The following KDM2B variants were observed in gnomAD, a reference collection of about 807,000 sequenced individuals.
The protein encoded by KDM2B is lysine-specific demethylase 2B.
A neutral mutation model predicts 150.0 loss-of-function variants in KDM2B; 26 were observed. The ratio of observed to expected loss-of-function variants is 0.17; its 90% CI spans 0.13 to 0.24. The LOEUF (loss-of-function observed/expected upper bound fraction) is 0.24, where lower values mean the gene tolerates loss of function less well. Ranked by LOEUF, KDM2B falls within the 10% of genes least tolerant of loss-of-function variation. The pLI is 1.00. For synonymous variants in KDM2B, 734 were observed against 729.5 expected (o/e 1.01, Z -0.10); for missense variants, 1,265 against 1,816.9 (o/e 0.70, Z 5.52).
At chr12:121,420,530 G>T in the KDM2B span, 4 of 1,597,270 alleles carry the variant, frequency 2.5e-6, no homozygotes, top group Non-Finnish European at 3.4e-6. Flanking sequence ...GAGTGGGGAG[G>T]GTCTGGACTT....
At position 121,518,356 on chromosome 12, in the gene KDM2B, T is replaced by A. The variant is rs1302304254; in HGVS notation, c.1047+2629A>T. Among the ~76,000 whole-genome samples, 1 of 152,144 alleles carries A rather than the reference T, an allele frequency of 6.6e-6. No homozygotes were observed. On this transcript the variant is annotated intron_variant, in intron 9 of 22. Coordinates refer to ENST00000377071, the MANE Select transcript of KDM2B (RefSeq NM_032590.5). This position sits in a 1 kb window ranked among gnomAD's most constrained non-coding sequence, Gnocchi z 4.4. ...GCCTTGGCTCCTAAGGCATAAACAA[T>A]TGGGCCTCGTAGCCAAGTCCCTCTC... is the stretch of plus-strand genomic sequence containing the variant.
intron 6 of KDM2B, among the ~76,000 whole-genome samples, chr12:121,547,331 T>A (rs782782083): frequency 6.6e-6 from 1 of 152,122 alleles, no homozygotes; most frequent in Non-Finnish European, 1.5e-5. Context: ...GAGCTTCAGC[T>A]TGAAGGGGAG....
At position 121,573,126 on chromosome 12, in the gene KDM2B, A is replaced by ATT. The variant is rs561026873; in HGVS notation, c.397+1419_397+1420dup. 3.9e-3 allele frequency among the ~76,000 whole-genome samples: 528 copies of ATT among 134,450 alleles called. 5 individuals are homozygous for ATT. Among genetic ancestry groups the ATT allele is most frequent in the Admixed American group, 0.03 (403 of 13,388 alleles). The allele number at this position is 134,450 out of a possible 152,430, so 88.2% of individuals were successfully genotyped here. A position where few individuals can be genotyped will look rare whatever the true frequency, so the allele number is the denominator to read the frequency against. On this transcript the variant is annotated intron_variant, in intron 4 of 22. Coordinates refer to ENST00000377071, the MANE Select transcript of KDM2B (RefSeq NM_032590.5). ...GGTGTGAGCCACTGTGCCCGGCCTA[A>ATT]TTTTTTTTTTTTTTTAGAGATGGGG...
chr12:121,516,511 A>C, intron 9 of KDM2B: 1 of 1,405,352 alleles, frequency 7.1e-7, no homozygotes, highest in South Asian at 1.3e-5. Context: ...AAAAGGTTTC[A>C]GCCACATGCC....
chr12:121,459,986 A>T (rs563829923), intron 12 of KDM2B, among the ~76,000 whole-genome samples: 41 of 152,362 alleles, frequency 2.7e-4, no homozygotes, highest in African/African-American at 9.9e-4. Context: ...AGAGATGAAT[A>T]GGTAATTTTT....
the KDM2B span, among the ~76,000 whole-genome samples, chr12:121,412,540 G>T: frequency 1.3e-5 from 2 of 151,562 alleles, no homozygotes; most frequent in Non-Finnish European, 2.9e-5. Context: ...ACCACGCCTG[G>T]CCTAATTTTT....
chr12:121,435,987 T>C (rs1362749861), intron 22 of KDM2B, among the ~76,000 whole-genome samples: 3 of 152,128 alleles, frequency 2.0e-5, no homozygotes, highest in Admixed American at 1.3e-4. Flanking sequence ...ACTGACAGCA[T>C]TTGAAGGGAA....
intron 6 of KDM2B, among the ~76,000 whole-genome samples, chr12:121,536,499 G>T (rs1888110692): frequency 6.6e-6 from 1 of 152,188 alleles, no homozygotes; most frequent in African/African-American, 2.4e-5. Context: ...GGCCCAGCGG[G>T]GTCCCCGCCT....
chr12:121,580,252 TGGGG>T, intron 1 of KDM2B: 3 of 838,712 alleles, frequency 3.6e-6, no homozygotes, highest in Non-Finnish European at 4.4e-6. Flanking sequence ...TCAGCAGTTG[TGGGG>T]GGGGGGAGGC....
the KDM2B span, among the ~76,000 whole-genome samples, chr12:121,410,142 G>A: frequency 1.5e-4 from 22 of 148,136 alleles, no homozygotes; most frequent in African/African-American, 5.7e-4. Flanking sequence ...CAACAAGAGC[G>A]AAACTCCGTC....
At chr12:121,444,358 C>A in intron 15 of KDM2B, 86 bp from the exon 16 acceptor site, 1 of 1,606,874 alleles carries the variant, frequency 6.2e-7, no homozygotes, top group Non-Finnish European at 8.5e-7. Flanking sequence ...CGGCAACCCA[C>A]CTGCCTGAAA....
In KDM2B at chr12:121,513,192, G is replaced by A. The variant is rs1449451484; in HGVS notation, c.1174+84C>T. On this transcript the variant is annotated intron_variant, in intron 10 of 22. Coordinates refer to ENST00000377071, the MANE Select transcript of KDM2B (RefSeq NM_032590.5). The surrounding 1 kb of genome is among the most constrained non-coding windows in gnomAD (Gnocchi z 5.0). ...TGATTCAACGAATCCCCAAAACTCAGGGAGTGTCTCCAGGCCCCACTGAGA... is the reference window on the plus strand; with the variant it reads ...TGATTCAACGAATCCCCAAAACTCAAGGAGTGTCTCCAGGCCCCACTGAGA... 3 of 1,504,500 alleles carry A rather than the reference G, an allele frequency of 2.0e-6. No homozygotes were observed. Among genetic ancestry groups the A allele is most frequent in the Non-Finnish European group, 2.7e-6 (3 of 1,093,244 alleles). The allele number at this position is 1,504,500 out of a possible 1,614,324, so 93.2% of individuals were successfully genotyped here.
chr12:121,436,907 T>A (rs1169035320), intron 22 of KDM2B, among the ~76,000 whole-genome samples: 1 of 152,204 alleles, frequency 6.6e-6, no homozygotes, highest in Non-Finnish European at 1.5e-5. Context: ...ACCTCCCACT[T>A]ACTGTAGCAA....
At chr12:121,424,705 T>C (rs1405189777), downstream of KDM2B, among the ~76,000 whole-genome samples, 7 of 136,926 alleles carry the variant, frequency 5.1e-5, no homozygotes, top group African/African-American at 2.1e-4. Context: ...AGCCAGACCT[T>C]GTCTCAAAAA....
intron 11 of KDM2B, among the ~76,000 whole-genome samples, chr12:121,508,571 G>A (rs1885298614): frequency 6.6e-6 from 1 of 152,150 alleles, no homozygotes; most frequent in South Asian, 2.1e-4. Context: ...ATTGGAGAAG[G>A]ACACCCAGAC....
In KDM2B at chr12:121,462,735, G is replaced by A. The variant is rs571702515; in HGVS notation, c.1735-9391C>T. Reference sequence around the variant, plus strand: ...TCTCAAACTCCTGACCTTGTGATTCGCCCGTCTCAGCCTCCCAAAGTGTTG... The same window carrying A: ...TCTCAAACTCCTGACCTTGTGATTCACCCGTCTCAGCCTCCCAAAGTGTTG... On this transcript the variant is annotated intron_variant, in intron 12 of 22. Transcript: ENST00000377071. Among the ~76,000 whole-genome samples, 8 of 151,918 alleles carry A rather than the reference G, an allele frequency of 5.3e-5. No homozygotes were observed. In the East Asian group the frequency reaches 5.9e-4, roughly 11 times the overall value.
intron 22 of KDM2B, among the ~76,000 whole-genome samples, chr12:121,432,504 C>T (rs1001927284): frequency 6.6e-6 from 1 of 152,156 alleles, no homozygotes; most frequent in Non-Finnish European, 1.5e-5. Context: ...CCTCCCAGAC[C>T]ACTGGGATAT....
In KDM2B at chr12:121,439,920, T is replaced by C. The variant is rs369011290; in HGVS notation, c.3766A>G (p.Ile1256Val). The stretch of plus-strand genomic sequence containing the variant: ...GTGCCAACAGCAGTGAGCAGGTTGA[T>C]AGACTGGTCGGTGACGTGGTTACAG... ...SYCNHVTDQS[I>V]NLLTAVGTTT... The change falls in exon 22 of 23, where the codon ATC (isoleucine) becomes GTC (valine). Residue 1256 changes from isoleucine (I) to valine (V), a missense_variant. Around this residue, in one of 11 missense-constraint regions of KDM2B, gnomAD observed 251 missense variants for 397.8 expected, o/e 0.63. Coordinates refer to ENST00000377071, the MANE Select transcript of KDM2B (RefSeq NM_032590.5). The C allele has an allele frequency of 1.1e-4, 182 of 1,614,164 alleles. No homozygotes were observed. Among genetic ancestry groups the C allele is most frequent in the Non-Finnish European group, 1.4e-4 (162 of 1,180,016 alleles).
At chr12:121,505,200 C>T (rs939729664) in intron 11 of KDM2B, among the ~76,000 whole-genome samples, 10 of 148,304 alleles carry the variant, frequency 6.7e-5, no homozygotes, top group East Asian at 2.0e-4. Context: ...GCACGAGAAT[C>T]GCTTGAACCC....
Sources: allele counts gnomAD v4.1 joint callset (sites outside exome capture counted in the v4.1 genomes callset), GRCh38; gene constraint gnomAD v4.1.1; regional missense constraint gnomAD v4.1.1; non-coding constraint Gnocchi (gnomAD v3.1); transcripts MANE v1.5; gene names NCBI Gene and HGNC (gene_info 2026-07-23, HGNC 2026-07-21).